The following PAPSS2 variants were observed in gnomAD, a reference collection of about 807,000 sequenced individuals.
PAPSS2 encodes the protein bifunctional 3'-phosphoadenosine 5'-phosphosulfate synthase 2.
PAPSS2 carries 61 observed loss-of-function variants against 66.5 expected under a neutral mutation model. The ratio of observed to expected loss-of-function variants is 0.92; its 90% CI spans 0.75 to 1.14. The LOEUF (loss-of-function observed/expected upper bound fraction) is 1.14. Ranked by LOEUF, PAPSS2 falls within the 50% of genes most tolerant of loss-of-function variation. The pLI is 0.00. For synonymous variants in PAPSS2, 289 were observed against 287.5 expected, an observed-to-expected ratio of 1.01 and a Z score of -0.05; for missense variants, 708 against 789.6, an observed-to-expected ratio of 0.90 and a Z score of 1.24.
At chr10:87,681,195 A>G (rs1853016663) in intron 1 of PAPSS2, among the ~76,000 whole-genome samples, 1 of 152,242 alleles carries the variant, frequency 6.6e-6, no homozygotes, top group African/African-American at 2.4e-5. Flanking sequence ...ACCCTGCTGT[A>G]CATAGCGTTG....
At chr10:87,680,338 G>C (rs1853004029) in intron 1 of PAPSS2, among the ~76,000 whole-genome samples, 1 of 152,114 alleles carries the variant, frequency 6.6e-6, no homozygotes, top group Non-Finnish European at 1.5e-5. Flanking sequence ...TCTGTGCTTT[G>C]CAAGTATGAA....
At chr10:87,686,684 A>G (rs1853093751) in intron 1 of PAPSS2, among the ~76,000 whole-genome samples, 1 of 152,240 alleles carries the variant, frequency 6.6e-6, no homozygotes, top group Non-Finnish European at 1.5e-5. Flanking sequence ...ATGAGACGAC[A>G]CTTACTGTTG....
chr10:87,660,297 A>G (rs1210397753), intron 1 of PAPSS2: 12 of 578,162 alleles, frequency 2.1e-5, no homozygotes, highest in Non-Finnish European at 3.4e-5. Flanking sequence ...CCGGATCTAG[A>G]TCCAGGACCA....
chr10:87,701,376 CTTTCTT>C (rs1248803256), intron 1 of PAPSS2, among the ~76,000 whole-genome samples: 7 of 88,576 alleles, frequency 7.9e-5, no homozygotes, highest in African/African-American at 3.2e-4. Context: ...TTCTTTCTTT[CTTTCTT>C]TCTTTCTTTC....
chr10:87,680,821 G>A (rs113173755), intron 1 of PAPSS2, among the ~76,000 whole-genome samples: 12 of 151,922 alleles, frequency 7.9e-5, no homozygotes, highest in African/African-American at 1.2e-4. Flanking sequence ...TAATCTTGCC[G>A]GTTTTTGAGC....
At chr10:87,719,471 G>T (rs940036967) in intron 7 of PAPSS2, among the ~76,000 whole-genome samples, 2 of 152,148 alleles carry the variant, frequency 1.3e-5, no homozygotes, top group Admixed American at 1.3e-4. Context: ...ACAGTTAAAA[G>T]AATTTGTCAG....
At chr10:87,688,132 A>G (rs1045934971) in intron 1 of PAPSS2, among the ~76,000 whole-genome samples, 3 of 152,260 alleles carry the variant, frequency 2.0e-5, no homozygotes, top group Admixed American at 1.3e-4. Flanking sequence ...TAGGCCTTCT[A>G]AGGAATTTAT....
chr10:87,740,668 T>G (rs1465645328), intron 9 of PAPSS2, among the ~76,000 whole-genome samples: 1 of 152,194 alleles, frequency 6.6e-6, no homozygotes, highest in Non-Finnish European at 1.5e-5. Flanking sequence ...TATCCATAAT[T>G]GTGCAAAAAG....
At chr10:87,694,371 A>G (rs1414339766) in intron 1 of PAPSS2, among the ~76,000 whole-genome samples, 1 of 152,206 alleles carries the variant, frequency 6.6e-6, no homozygotes, top group African/African-American at 2.4e-5. Context: ...ATAAGGCATA[A>G]GTCTACACCA....
intron 1 of PAPSS2, among the ~76,000 whole-genome samples, chr10:87,670,711 T>C (rs1179695099): frequency 6.6e-6 from 1 of 152,140 alleles, no homozygotes; most frequent in African/African-American, 2.4e-5. Flanking sequence ...GGTGACTGCA[T>C]AGAAGTTGAA....
intron 8 of PAPSS2, among the ~76,000 whole-genome samples, chr10:87,723,026 A>G (rs1441079931): frequency 6.6e-6 from 1 of 152,228 alleles, no homozygotes; most frequent in African/African-American, 2.4e-5. Flanking sequence ...GGTGGCTGCA[A>G]CAGTGAAACA....
rs904752755 is a variant in PAPSS2, at chr10:87,713,198, G to A, written c.269G>A (p.Gly90Glu). ...CGTCATGGCCTTAACAGAAATCTCGGATTCTCTCCTGGGGACAGAGAGGAA... is the reference window on the plus strand; with the variant it reads ...CGTCATGGCCTTAACAGAAATCTCGAATTCTCTCCTGGGGACAGAGAGGAA... The part of the protein sequence containing the change: ...NVRHGLNRNL[G>E]FSPGDREENI... The change falls in exon 3 of 13, where the codon GGA becomes GAA. Residue 90 changes from glycine to glutamate, a missense_variant. Physicochemically the swap from Gly to Glu is moderately conservative, Grantham distance 98 (BLOSUM62 -2). Coordinates refer to ENST00000456849, the MANE Select transcript of PAPSS2 (RefSeq NM_001015880.2). 4.3e-6 allele frequency: 7 copies of A among 1,611,098 alleles called. No homozygotes were observed. The highest frequency in any genetic ancestry group is 3.3e-4 in the Middle Eastern group (2 of 6,076).
chr10:87,709,959 A>C (rs888071123), intron 2 of PAPSS2, among the ~76,000 whole-genome samples: 3 of 152,178 alleles, frequency 2.0e-5, no homozygotes, highest in African/African-American at 7.2e-5. Context: ...AATTAGTGAC[A>C]GAACTGGAAT....
Position 87,727,305 on chromosome 10 carries a change from TC to T in PAPSS2, c.906del (p.Ile303LeufsTer28), listed in dbSNP as rs1853671206. On this transcript the variant is annotated frameshift_variant, in exon 9 of 13. Coordinates refer to ENST00000456849, the MANE Select transcript of PAPSS2 (RefSeq NM_001015880.2). LOFTEE classifies it high-confidence loss of function. Reference sequence around the variant, plus strand: ...ACAGATGGCGTGATCAACATGAGCATCCCCATTGTACTGCCCGTCTCTGCAG... The same window carrying T: ...ACAGATGGCGTGATCAACATGAGCATCCCATTGTACTGCCCGTCTCTGCAG... ...ALPDGVINMS[I>X]PIVLPVSAED... 3 of 1,613,322 alleles carry T rather than the reference TC, an allele frequency of 1.9e-6. No individual in the cohort carries two copies. Among genetic ancestry groups the T allele is most frequent in the African/African-American group, 2.7e-5 (2 of 74,874 alleles).
At chr10:87,743,913 C>T (rs1853904993) in intron 11 of PAPSS2, among the ~76,000 whole-genome samples, 1 of 152,106 alleles carries the variant, frequency 6.6e-6, no homozygotes, top group South Asian at 2.1e-4. Context: ...GGCCACCTGA[C>T]CAACATGATG....
At chr10:87,701,871 G>A (rs1048572658) in intron 1 of PAPSS2, among the ~76,000 whole-genome samples, 4 of 152,092 alleles carry the variant, frequency 2.6e-5, no homozygotes, top group Non-Finnish European at 5.9e-5. Flanking sequence ...CAACCTGGGG[G>A]AAAAAACAGT....
At chr10:87,665,791 CCT>C (rs1166063125) in intron 1 of PAPSS2, among the ~76,000 whole-genome samples, 1 of 152,002 alleles carries the variant, frequency 6.6e-6, no homozygotes, top group African/African-American at 2.4e-5. Context: ...TTCTGTTCCA[CCT>C]CTCTCAGTGA....
rs191462051 is a variant in PAPSS2, at chr10:87,677,395, C to A, written c.27+17387C>A. Among the ~76,000 whole-genome samples the A allele has an allele frequency of 2.5e-3, 373 of 152,138 alleles. 1 individual carries two copies. Among genetic ancestry groups the A allele is most frequent in the Non-Finnish European group, 4.3e-3 (295 of 68,006 alleles). On this transcript the variant is annotated intron_variant, in intron 1 of 12. Coordinates refer to ENST00000456849, the MANE Select transcript of PAPSS2 (RefSeq NM_001015880.2). ...CTGCAAATATTTTGAAAAATATATG[C>A]CCCTATGTATTGAATCTAAAAAGCA... is the stretch of plus-strand genomic sequence containing the variant.
At chr10:87,741,778 G>A (rs1022229534) in intron 10 of PAPSS2, among the ~76,000 whole-genome samples, 1 of 143,956 alleles carries the variant, frequency 6.9e-6, no homozygotes, top group Admixed American at 6.9e-5. Flanking sequence ...TTTTTTAAGA[G>A]ACAGGTCTCA....
Sources: allele counts gnomAD v4.1 joint callset (sites outside exome capture counted in the v4.1 genomes callset), GRCh38; gene constraint gnomAD v4.1.1; transcripts MANE v1.5; gene names NCBI Gene and HGNC (gene_info 2026-07-23, HGNC 2026-07-21).